The following TNRC6A variants were observed in gnomAD, a reference collection of about 807,000 sequenced individuals.
TNRC6A encodes trinucleotide repeat-containing gene 6A protein.
A neutral mutation model predicts 221.2 loss-of-function variants in TNRC6A; 44 were observed. The observed-to-expected ratio is 0.20, with a 90% CI of 0.16 to 0.26. TNRC6A has a LOEUF of 0.26. TNRC6A is among the 10% of genes least tolerant of loss of function. The probability of loss-of-function intolerance (pLI) is 1.00; values close to 1 mark genes in which losing one functional copy is unlikely to be tolerated. For synonymous variants in TNRC6A, 847 were observed against 838.5 expected (o/e 1.01, Z -0.18); for missense variants, 2,199 against 2,404.4 (o/e 0.91, Z 1.79).
In TNRC6A at chr16:24,793,495, G is replaced by A; in HGVS notation, c.3198G>A (p.Glu1066=). The A allele has an allele frequency of 1.3e-6, 2 of 1,505,986 alleles. No homozygotes were observed. Among genetic ancestry groups the A allele is most frequent in the Non-Finnish European group, 1.8e-6 (2 of 1,121,688 alleles). The allele number at this position is 1,505,986 out of a possible 1,614,324, so 93.3% of individuals were successfully genotyped here. Residue 1066 remains glutamate, a synonymous_variant, in exon 7 of 25, where the codon GAG becomes GAA. Coordinates refer to ENST00000395799, the MANE Select transcript of TNRC6A (RefSeq NM_014494.4). ...SGSGWGEPWG[E]PSTPATTVDN... is the part of the protein sequence containing the mutation. ...AAGGCTGGGGTGAGCCCTGGGGGGA[G>A]CCTTCTACTCCAGCCACAACTGTGG...
rs762737438 is a variant in TNRC6A at position 24,795,909 on chromosome 16, T to C, written c.3531T>C (p.Gly1177=). The change falls in exon 9 of 25, where the codon GGT becomes GGC. Residue 1177 remains glycine, a splice_region_variant and synonymous_variant. Transcript: ENST00000395799. ...PPYTKKMSSK[G]LSGKKRRRER... is the part of the protein sequence containing the mutation. Reference sequence around the variant, plus strand: ...TGTGACTTTGTCTTTCCTTACAGGGTCTGAGTGGCAAAAAAAGGAGAAGGG... The same window carrying C: ...TGTGACTTTGTCTTTCCTTACAGGGCCTGAGTGGCAAAAAAAGGAGAAGGG... 6.2e-7 allele frequency: 1 copy of C among 1,607,284 alleles called. No individual in the cohort carries two copies. Among genetic ancestry groups the C allele is most frequent in the Non-Finnish European group, 8.5e-7 (1 of 1,175,120 alleles).
intron 18 of TNRC6A, among the ~76,000 whole-genome samples, chr16:24,810,772 A>G (rs2058525992): frequency 6.6e-6 from 1 of 152,248 alleles, no homozygotes; most frequent in South Asian, 2.1e-4. Context: ...GATTTTAAAC[A>G]TGAAAATGAT....
chr16:24,780,708 G>A (rs1158115332), intron 5 of TNRC6A, among the ~76,000 whole-genome samples: 1 of 151,700 alleles, frequency 6.6e-6, no homozygotes, highest in Admixed American at 6.6e-5. Flanking sequence ...AGGTGTATGA[G>A]TATATTTTAT....
At chr16:24,819,545 T>TTTA (rs1174161212) in intron 21 of TNRC6A, 2 of 145,178 alleles carry the variant, frequency 1.4e-5, no homozygotes, top group African/African-American at 2.6e-5. Flanking sequence ...TTTTTTGTTT[T>TTTA]GCCATACAGG....
At chr16:24,693,045 A>G (rs2055787194) in intron 2 of TNRC6A, among the ~76,000 whole-genome samples, 1 of 152,192 alleles carries the variant, frequency 6.6e-6, no homozygotes, top group South Asian at 2.1e-4. Flanking sequence ...GAATAATCCT[A>G]TGAAAAATAA....
At chr16:24,792,032 A>G (rs1009321176) in intron 6 of TNRC6A, among the ~76,000 whole-genome samples, 1 of 152,194 alleles carries the variant, frequency 6.6e-6, no homozygotes, top group African/African-American at 2.4e-5. Flanking sequence ...CTCTATTAGA[A>G]ATGCAAGAGA....
At chr16:24,704,722 A>G (rs905260941) in intron 2 of TNRC6A, among the ~76,000 whole-genome samples, 3 of 149,166 alleles carry the variant, frequency 2.0e-5, no homozygotes, top group African/African-American at 7.3e-5. Flanking sequence ...ACATTAAGTG[A>G]GTATAAGGGG....
intron 11 of TNRC6A, chr16:24,798,261 T>A: frequency 4.5e-6 from 1 of 221,762 alleles, no homozygotes; most frequent in Non-Finnish European, 8.8e-6. Context: ...GGCCTAGATG[T>A]ATGACAGACT....
At chr16:24,770,694 A>G (rs1395624907) in intron 4 of TNRC6A, among the ~76,000 whole-genome samples, 10 of 152,064 alleles carry the variant, frequency 6.6e-5, no homozygotes, top group Non-Finnish European at 1.5e-4. Context: ...GCTTAAACCC[A>G]TTCTTAGGTT....
chr16:24,773,922 G>T (rs2057666618), intron 4 of TNRC6A, among the ~76,000 whole-genome samples: 1 of 151,044 alleles, frequency 6.6e-6, no homozygotes, highest in Non-Finnish European at 1.5e-5. Context: ...GAAGTATATT[G>T]TTTTTCCTTT....
chr16:24,771,591 T>TATGTTATGTTGTG (rs1491251364), intron 4 of TNRC6A, among the ~76,000 whole-genome samples: 5 of 149,522 alleles, frequency 3.3e-5, no homozygotes, highest in South Asian at 2.2e-4. Flanking sequence ...GTTGTTATGT[T>TATGTTATGTTGTG]ATGTTATGTT....
At position 24,789,608 on chromosome 16, in the gene TNRC6A, C is replaced by T. The variant is rs750647636; in HGVS notation, c.966C>T (p.Ser322=). ...GTTTTTCCCATGGAGCCATAATAAG[C>T]ACATGTCAGGTCTCTGTGGATGCTC... ...PWGFSHGAII[S]TCQVSVDAPE... is the part of the protein sequence containing the mutation. The change falls in exon 6 of 25, where the codon AGC becomes AGT. Residue 322 remains serine (S), a synonymous_variant. Coordinates refer to ENST00000395799, the MANE Select transcript of TNRC6A (RefSeq NM_014494.4). 1.9e-6 allele frequency: 3 copies of T among 1,614,096 alleles called. No homozygotes were observed. The highest frequency in any genetic ancestry group is 2.5e-6 in the Non-Finnish European group (3 of 1,180,020).
intron 2 of TNRC6A, among the ~76,000 whole-genome samples, chr16:24,643,831 C>A (rs1173796442): frequency 1.3e-5 from 2 of 152,132 alleles, no homozygotes; most frequent in Non-Finnish European, 2.9e-5. Flanking sequence ...GTCTCTGCAC[C>A]ACTTACTCCA....
chr16:24,618,186 G>T (rs2141577319), intron 1 of TNRC6A, among the ~76,000 whole-genome samples: 1 of 152,272 alleles, frequency 6.6e-6, no homozygotes, highest in East Asian at 1.9e-4. Flanking sequence ...TTCCTAAAGT[G>T]CTGGGGTTAC....
chr16:24,818,537 T>C, intron 20 of TNRC6A, 56 bp from the exon 21 acceptor site: 1 of 1,444,008 alleles, frequency 6.9e-7, no homozygotes, highest in Non-Finnish European at 9.7e-7. Flanking sequence ...CTTTTGCTTT[T>C]TCTGAACCTC....
At chr16:24,806,523 G>T in intron 16 of TNRC6A, 51 bp from the exon 17 acceptor site, 2 of 1,600,396 alleles carry the variant, frequency 1.2e-6, no homozygotes, top group Non-Finnish European at 1.7e-6. Context: ...GTAGTTTTCT[G>T]TAAAGACGTT....
At chr16:24,664,374 T>C (rs1043043743) in intron 2 of TNRC6A, among the ~76,000 whole-genome samples, 2 of 147,368 alleles carry the variant, frequency 1.4e-5, no homozygotes, top group African/African-American at 4.9e-5. Context: ...ATTTATTATG[T>C]ATTATTAATT....
intron 1 of TNRC6A, among the ~76,000 whole-genome samples, chr16:24,623,919 A>G (rs1259883121): frequency 1.3e-5 from 2 of 150,392 alleles, no homozygotes; most frequent in Non-Finnish European, 3.0e-5. Context: ...AAAAAAAAAA[A>G]AAAAAAAAAA....
In TNRC6A at chr16:24,729,702, G is replaced by GCGGTGT; in HGVS notation, c.-137_-136insTGTCGG. On this transcript the variant is annotated 5_prime_UTR_variant, in exon 1 of 25. Transcript: ENST00000395799. The stretch of plus-strand genomic sequence containing the variant: ...GGCGGTGTCGGCGGCGGCGGCGGCG[G>GCGGTGT]CGGCGGCGGCGGCGGCAGCGGGTCG... 1 of 1,043,184 alleles carries GCGGTGT rather than the reference G, an allele frequency of 9.6e-7. No individual in the cohort carries two copies. Among genetic ancestry groups the GCGGTGT allele is most frequent in the Non-Finnish European group, 1.2e-6 (1 of 803,744 alleles). The allele number at this position is 1,043,184 out of a possible 1,614,324, so 64.6% of individuals were successfully genotyped here. A position where few individuals can be genotyped will look rare whatever the true frequency, so the allele number is the denominator to read the frequency against.
Sources: allele counts gnomAD v4.1 joint callset (sites outside exome capture counted in the v4.1 genomes callset), GRCh38; gene constraint gnomAD v4.1.1; transcripts MANE v1.5; gene names NCBI Gene and HGNC (gene_info 2026-07-23, HGNC 2026-07-21).